Variants in HOOK1 observed in about 807,000 individuals in gnomAD.
HOOK1 encodes the protein hook microtubule tethering protein 1.
Under a neutral mutation model 112.8 loss-of-function variants are expected in HOOK1, and 60 were observed. The observed-to-expected ratio is 0.53, with a 90% CI of 0.43 to 0.66. The LOEUF (loss-of-function observed/expected upper bound fraction) is 0.66, where lower values mean the gene tolerates loss of function less well. HOOK1 is among the 30% of genes least tolerant of loss of function. The probability of loss-of-function intolerance (pLI) is 0.00; values close to 1 mark genes in which losing one functional copy is unlikely to be tolerated. For synonymous variants in HOOK1, 294 were observed against 283.8 expected (o/e 1.04, Z -0.36); for missense variants, 770 against 856.0 (o/e 0.90, Z 1.25).
chr1:59,842,642 CAGTA>C (rs986569643), intron 8 of HOOK1, among the ~76,000 whole-genome samples: 1 of 152,164 alleles, frequency 6.6e-6, no homozygotes, highest in African/African-American at 2.4e-5. Context: ...CAAACTTATT[CAGTA>C]ATACACTGGA....
rs968348148 is a variant in HOOK1, at chr1:59,874,089, C to T, written c.*1124C>T. 6.6e-6 allele frequency: 1 copy of T among 151,878 alleles called. No individual in the cohort carries two copies. The highest frequency in any genetic ancestry group is 2.4e-5 in the African/African-American group (1 of 41,366). 9.4% of individuals were successfully genotyped at this position (151,878 alleles called of 1,614,324 possible). On this transcript the variant is annotated 3_prime_UTR_variant, in exon 22 of 22. Transcript: ENST00000371208. ...GAATTTTAGTTGTGTTAAATATGTG[C>T]TGTCGTATATCATAGCCATGAGCCA...
chr1:59,833,597 A>G (rs2098395557), intron 5 of HOOK1, 60 bp downstream of exon 5: 1 of 1,337,408 alleles, frequency 7.5e-7, no homozygotes, highest in Non-Finnish European at 1.0e-6. Flanking sequence ...ACATTGCTAT[A>G]TAAGCTAGCA....
chr1:59,836,830 A>G, intron 6 of HOOK1, 43 bp from the exon 7 acceptor site: 3 of 1,082,754 alleles, frequency 2.8e-6, no homozygotes, highest in Non-Finnish European at 4.1e-6. Context: ...TACTTCATAA[A>G]CATCACATTG....
chr1:59,819,399 C>T (rs1332931433), intron 1 of HOOK1, among the ~76,000 whole-genome samples: 3 of 152,142 alleles, frequency 2.0e-5, no homozygotes, highest in Non-Finnish European at 2.9e-5. Context: ...ATCCACCTGC[C>T]TCGGCCTCCC....
chr1:59,855,982 A>T (rs1257239132), intron 12 of HOOK1, among the ~76,000 whole-genome samples: 1,164 of 64,104 alleles, frequency 0.018, 6 homozygotes, highest in Non-Finnish European at 0.026. Flanking sequence ...ATATATATAT[A>T]TATTTTTTTT....
intron 7 of HOOK1, among the ~76,000 whole-genome samples, chr1:59,838,465 A>G (rs1308545260): frequency 1.3e-5 from 2 of 152,094 alleles, no homozygotes; most frequent in Non-Finnish European, 2.9e-5. Flanking sequence ...GCATTTTTTC[A>G]TATGTCCGTT....
chr1:59,862,071 T>TA (rs1178339571), intron 15 of HOOK1, among the ~76,000 whole-genome samples: 1 of 152,206 alleles, frequency 6.6e-6, no homozygotes, highest in Non-Finnish European at 1.5e-5. Context: ...TTCAGTTCAA[T>TA]ACAAGTTGTT....
chr1:59,815,888 T>A (rs2098381046), intron 1 of HOOK1, among the ~76,000 whole-genome samples: 1 of 152,142 alleles, frequency 6.6e-6, no homozygotes, highest in Non-Finnish European at 1.5e-5. Context: ...TATCTGTGTT[T>A]AGGATTTTTG....
At chr1:59,822,310 G>A (rs951096686) in intron 2 of HOOK1, among the ~76,000 whole-genome samples, 9 of 152,134 alleles carry the variant, frequency 5.9e-5, no homozygotes, top group South Asian at 2.1e-4. Context: ...TAAGGTATCC[G>A]TGCATGGAGA....
At chr1:59,815,972 C>G (rs562627441) in intron 1 of HOOK1, among the ~76,000 whole-genome samples, 1 of 152,254 alleles carries the variant, frequency 6.6e-6, no homozygotes, top group South Asian at 2.1e-4. Flanking sequence ...AAATGACATC[C>G]CACCTCTTAG....
rs572836714 is a variant in HOOK1, at chr1:59,862,731, T to A, written c.1533-53T>A. 19 of 1,086,418 alleles carry A rather than the reference T, an allele frequency of 1.7e-5. No individual in the cohort carries two copies. The South Asian group carries it at 2.5e-4, about 14-fold the overall frequency. 67.3% of individuals were successfully genotyped at this position (1,086,418 alleles called of 1,614,324 possible). On this transcript the variant is annotated intron_variant, in intron 15 of 21. Transcript: ENST00000371208. ...AACTGAATGTACCTTTGTAGATCCT[T>A]AACTGCTTTGACTTTCAATACAAGT... is the stretch of plus-strand genomic sequence containing the variant.
At chr1:59,818,354 G>T (rs957912801) in intron 1 of HOOK1, among the ~76,000 whole-genome samples, 1 of 152,146 alleles carries the variant, frequency 6.6e-6, no homozygotes, top group Non-Finnish European at 1.5e-5. Flanking sequence ...AAGTCATCAA[G>T]AAAAGTTAGT....
chr1:59,848,024 T>A (rs976911094), intron 10 of HOOK1, among the ~76,000 whole-genome samples: 2 of 151,684 alleles, frequency 1.3e-5, no homozygotes, highest in Non-Finnish European at 3.0e-5. Context: ...CAAATCATTA[T>A]TTTTTATTCA....
chr1:59,853,271 C>T (rs1474028136), intron 12 of HOOK1, among the ~76,000 whole-genome samples: 3 of 151,566 alleles, frequency 2.0e-5, no homozygotes, highest in Admixed American at 6.6e-5. Context: ...CAGTTTTTAC[C>T]TCATGTATTT....
chr1:59,864,975 G>A (rs185989334), intron 17 of HOOK1, 188 bp from the exon 18 acceptor site: 2 of 571,242 alleles, frequency 3.5e-6, no homozygotes, highest in Non-Finnish European at 6.3e-6. Context: ...GGGTGGCAAG[G>A]GAAATAATTT....
At chr1:59,870,812 C>T (rs1208401501) in intron 20 of HOOK1, 1 of 407,508 alleles carries the variant, frequency 2.5e-6, no homozygotes, top group Non-Finnish European at 4.5e-6. Flanking sequence ...TCATTCTCTT[C>T]TACCTGTAAA....
chr1:59,858,920 G>A (rs2098412096), intron 13 of HOOK1, 65 bp from the exon 14 acceptor site: 8 of 906,212 alleles, frequency 8.8e-6, no homozygotes, highest in South Asian at 1.4e-5. Flanking sequence ...AGGGGGGGAA[G>A]GAGGGAGGGT....
At chr1:59,834,629 T>C (rs1403408325) in intron 5 of HOOK1, among the ~76,000 whole-genome samples, 1 of 152,138 alleles carries the variant, frequency 6.6e-6, no homozygotes, top group Non-Finnish European at 1.5e-5. Flanking sequence ...AATTGACAAG[T>C]AGTAATTTAT....
chr1:59,859,499 CT>C (rs1022705511), intron 14 of HOOK1, among the ~76,000 whole-genome samples: 2 of 149,932 alleles, frequency 1.3e-5, no homozygotes, highest in South Asian at 2.1e-4. Context: ...GCCATATGAG[CT>C]TTTTTTTTAA....
Sources: allele counts gnomAD v4.1 joint callset (sites outside exome capture counted in the v4.1 genomes callset), GRCh38; gene constraint gnomAD v4.1.1; transcripts MANE v1.5; gene names NCBI Gene and HGNC (gene_info 2026-07-23, HGNC 2026-07-21).